The following GRM4 variants were observed in gnomAD, a reference collection of about 807,000 sequenced individuals.
The protein encoded by GRM4 is metabotropic glutamate receptor 4.
GRM4 carries 28 observed loss-of-function variants against 81.7 expected under a neutral mutation model. The ratio of observed to expected loss-of-function variants is 0.34; its 90% CI spans 0.25 to 0.47. The LOEUF is 0.47. GRM4 is among the 20% of genes least tolerant of loss of function. The pLI, the probability that GRM4 is intolerant of heterozygous loss-of-function variation, is 1.00. For synonymous variants in GRM4, 488 were observed against 528.8 expected (o/e 0.92, Z 1.06); for missense variants, 948 against 1,290.0 (o/e 0.73, Z 4.06).
intron 1 of GRM4, among the ~76,000 whole-genome samples, chr6:34,143,012 T>C (rs1319899769): frequency 6.6e-6 from 1 of 152,190 alleles, no homozygotes; most frequent in Non-Finnish European, 1.5e-5. Flanking sequence ...GGTAGAGCAC[T>C]CCTTTGGGTT....
intron 6 of GRM4, among the ~76,000 whole-genome samples, chr6:34,043,544 T>C (rs1465549670): frequency 6.6e-6 from 1 of 151,876 alleles, no homozygotes; most frequent in Admixed American, 6.6e-5. Context: ...AGGGATGGAG[T>C]GGGAGGCTAC....
chr6:34,133,556 G>T lies in GRM4; in HGVS notation c.-60C>A. 1 of 1,499,292 alleles carries T rather than the reference G, an allele frequency of 6.7e-7. No individual in the cohort carries two copies. The highest frequency in any genetic ancestry group is 1.4e-5 in the South Asian group (1 of 73,914). 92.9% of individuals were successfully genotyped at this position (1,499,292 alleles called of 1,614,324 possible). ...CCACTCCTAGCCCTGGCAGGCCCCTGGCCCCACGGCCTGGGTGGGCATGGG... is the reference window on the plus strand; with the variant it reads ...CCACTCCTAGCCCTGGCAGGCCCCTTGCCCCACGGCCTGGGTGGGCATGGG... On this transcript the variant is annotated 5_prime_UTR_variant, in exon 2 of 11. Coordinates refer to ENST00000538487, the MANE Select transcript of GRM4 (RefSeq NM_000841.4). The surrounding 1 kb of genome is among the most constrained non-coding windows in gnomAD (Gnocchi z 6.5).
intron 4 of GRM4, 103 bp downstream of exon 4, chr6:34,061,790 T>G (rs1200397915): frequency 2.4e-6 from 3 of 1,231,698 alleles, no homozygotes; most frequent in Non-Finnish European, 3.5e-6. Context: ...GATCCCAGGG[T>G]GGGGTCAGGC....
chr6:34,154,962 G>C (rs1581749203), intron 1 of GRM4: 1 of 806,286 alleles, frequency 1.2e-6, no homozygotes, highest in East Asian at 3.2e-5. Flanking sequence ...GCACCCAGCG[G>C]CCGGGCCTGG....
chr6:34,036,245 C>A lies in GRM4; in HGVS notation c.1865G>T (p.Gly622Val). The A allele has an allele frequency of 6.2e-7, 1 of 1,614,152 alleles. No individual in the cohort carries two copies. Among genetic ancestry groups the A allele is most frequent in the South Asian group, 1.1e-5 (1 of 91,082 alleles). ...CAGCAGCACGTAGCTCAGTTCACGG[C>A]CCGAGGCCTTGACGATGGGCGTGTC... ...YNDTPIVKASGRELSYVLLAG... is the reference protein window; with the variant it reads ...YNDTPIVKASVRELSYVLLAG... The change falls in exon 9 of 11, where the codon GGC (glycine) becomes GTC (valine). Residue 622 changes from glycine to valine, a missense_variant. By Grantham distance (109) the Gly-to-Val change is moderately radical. Transcript: ENST00000538487. This position sits in a 1 kb window ranked among gnomAD's most constrained non-coding sequence, Gnocchi z 9.0.
intron 3 of GRM4, among the ~76,000 whole-genome samples, chr6:34,066,795 T>C (rs951303348): frequency 3.9e-5 from 6 of 152,066 alleles, no homozygotes; most frequent in Non-Finnish European, 8.8e-5. Context: ...TCAGCAAATC[T>C]GGGCCACAGA....
chr6:34,113,985 G>A (rs1241773102), intron 2 of GRM4, among the ~76,000 whole-genome samples: 2 of 152,026 alleles, frequency 1.3e-5, no homozygotes, highest in Non-Finnish European at 2.9e-5. Context: ...CTGCTTCAGG[G>A]TCTTTGCACT....
At chr6:34,049,201 A>T (rs1765494539) in intron 6 of GRM4, among the ~76,000 whole-genome samples, 1 of 151,980 alleles carries the variant, frequency 6.6e-6, no homozygotes, top group South Asian at 2.1e-4. Context: ...CACCTCTCTA[A>T]GGAGACTGCT....
intron 10 of GRM4, chr6:34,024,582 G>A (rs1185365890): frequency 4.5e-6 from 2 of 445,048 alleles, no homozygotes; most frequent in Non-Finnish European, 9.1e-6. Flanking sequence ...GAAGCAAACT[G>A]CTTGAGGATG....
At position 34,035,642 on chromosome 6, in the gene GRM4, G is replaced by A. The variant is rs199505583; in HGVS notation, c.2442+26C>T. The A allele has an allele frequency of 4.2e-5, 26 of 617,862 alleles. 1 individual carries two copies. The highest frequency in any genetic ancestry group is 1.5e-4 in the African/African-American group (8 of 53,836). 38.3% of individuals were successfully genotyped at this position (617,862 alleles called of 1,614,324 possible). On this transcript the variant is annotated intron_variant, in intron 9 of 10. Coordinates refer to ENST00000538487, the MANE Select transcript of GRM4 (RefSeq NM_000841.4). This position sits in a 1 kb window ranked among gnomAD's most constrained non-coding sequence, Gnocchi z 6.6. ...TGCTCACTGCCCTCACCTACCCACC[G>A]TCCACCCCCGGCCCCCACCACTCAC...
chr6:34,076,850 C>A (rs555225228), intron 3 of GRM4, among the ~76,000 whole-genome samples: 2 of 152,016 alleles, frequency 1.3e-5, no homozygotes, highest in Non-Finnish European at 2.9e-5. Context: ...GGAGCCTCAA[C>A]GCTTGGGGGC....
intron 2 of GRM4, among the ~76,000 whole-genome samples, chr6:34,126,682 G>C (rs1056618982): frequency 1.3e-5 from 2 of 152,212 alleles, no homozygotes; most frequent in African/African-American, 4.8e-5. Flanking sequence ...GGAGCTCGCA[G>C]AGAGCTCCCA....
In GRM4 at chr6:34,062,013, G is replaced by A; in HGVS notation, c.752C>T (p.Ala251Val). 1 of 1,612,664 alleles carries A rather than the reference G, an allele frequency of 6.2e-7. No homozygotes were observed. The highest frequency in any genetic ancestry group is 8.5e-7 in the Non-Finnish European group (1 of 1,178,888). Residue 251 changes from alanine to valine, a missense_variant, in exon 4 of 11, where the codon GCC becomes GTC. Coordinates refer to ENST00000538487, the MANE Select transcript of GRM4 (RefSeq NM_000841.4). ...CTCCCGTGGTATCTTCACCGACTGG[G>A]CGATGCACACGCCCCCTGCAGGAGG... ...KSREDGGVCI[A>V]QSVKIPREPK...
At position 34,035,537 on chromosome 6, in the gene GRM4, A is replaced by AAGAAGGCAGAATGAGGCAT; in HGVS notation, c.2442+130_2442+131insATGCCTCATTCTGCCTTCT. 1 of 585,046 alleles carries AAGAAGGCAGAATGAGGCAT rather than the reference A, an allele frequency of 1.7e-6. No homozygotes were observed. The allele number at this position is 585,046 out of a possible 1,614,324, so 36.2% of individuals were successfully genotyped here. A position where few individuals can be genotyped will look rare whatever the true frequency, so the allele number is the denominator to read the frequency against. On this transcript the variant is annotated intron_variant, in intron 9 of 10. Transcript: ENST00000538487. The surrounding 1 kb of genome is among the most constrained non-coding windows in gnomAD (Gnocchi z 6.6). ...GCATGAAAGAAGGCAGAATGAGGCA[A>AAGAAGGCAGAATGAGGCAT]GAAAGAAGGCAGAATGAGGCATGAA...
In GRM4 at chr6:34,042,259, C is replaced by A. The variant is rs115632365; in HGVS notation, c.1169-1511G>T. On this transcript the variant is annotated intron_variant, in intron 6 of 10. Transcript: ENST00000538487. This position sits in a 1 kb window ranked among gnomAD's most constrained non-coding sequence, Gnocchi z 4.2. ...CCAGCCTGAGCGACAGAGTGAGACT[C>A]CATCTCAAAAAGAAACTGAAGCCCT... 3.3e-3 allele frequency among the ~76,000 whole-genome samples: 508 copies of A among 152,296 alleles called. 1 individual carries two copies. The highest frequency in any genetic ancestry group is 0.012 in the African/African-American group (485 of 41,552).
intron 5 of GRM4, among the ~76,000 whole-genome samples, chr6:34,058,109 G>T (rs1188842789): frequency 6.6e-6 from 1 of 152,118 alleles, no homozygotes; most frequent in East Asian, 1.9e-4. Flanking sequence ...GATGTGGGGG[G>T]ACAGATGTGG....
rs200621300 is a variant in GRM4 at position 34,040,115 on chromosome 6, C to CT, written c.1506+62_1506+63insA. On this transcript the variant is annotated intron_variant, in intron 8 of 10. Coordinates refer to ENST00000538487, the MANE Select transcript of GRM4 (RefSeq NM_000841.4). Reference sequence around the variant, plus strand: ...AATCAGCAGCAGCCTCCCCTTGGGCCCCCCTCCCAGGGGCTGGAACTGCGT... The same window carrying CT: ...AATCAGCAGCAGCCTCCCCTTGGGCCTCCCCTCCCAGGGGCTGGAACTGCGT... 2,021 of 1,528,134 alleles carry CT rather than the reference C, an allele frequency of 1.3e-3. 23 individuals are homozygous for CT. In the African/African-American group the frequency reaches 0.024, roughly 18 times the overall value. The allele number at this position is 1,528,134 out of a possible 1,614,324, so 94.7% of individuals were successfully genotyped here.
intron 1 of GRM4, among the ~76,000 whole-genome samples, chr6:34,142,304 C>T (rs768808139): frequency 3.3e-5 from 5 of 152,212 alleles, no homozygotes; most frequent in Admixed American, 6.5e-5. Flanking sequence ...AATGAGATAA[C>T]CTGCCAGCCA....
At chr6:34,085,402 C>T (rs916247594) in intron 3 of GRM4, among the ~76,000 whole-genome samples, 3 of 152,166 alleles carry the variant, frequency 2.0e-5, no homozygotes, top group African/African-American at 7.2e-5. Context: ...CCTTATGCCT[C>T]CAGGAATGGA....
Sources: allele counts gnomAD v4.1 joint callset (sites outside exome capture counted in the v4.1 genomes callset), GRCh38; gene constraint gnomAD v4.1.1; non-coding constraint Gnocchi (gnomAD v3.1); transcripts MANE v1.5; gene names NCBI Gene and HGNC (gene_info 2026-07-23, HGNC 2026-07-21).